ARL10: variants seen among roughly 807,000 people sequenced by gnomAD.
ARL10 encodes ADP-ribosylation factor-like protein 10.
A neutral mutation model predicts 26.1 loss-of-function variants in ARL10; 23 were observed. The ratio of observed to expected loss-of-function variants is 0.88; its 90% CI spans 0.63 to 1.25. ARL10 has a LOEUF of 1.25. Among genes scored for constraint, ARL10 ranks in the 50% most tolerant of loss-of-function variants. ARL10 has a pLI of 0.00. For missense variants in ARL10, 300 were observed against 323.6 expected, an observed-to-expected ratio of 0.93 and a Z score of 0.56; for synonymous variants, 138 against 149.1, an observed-to-expected ratio of 0.93 and a Z score of 0.54.
At chr5:176,393,247 C>G (rs1400451336), downstream of ARL10, among the ~76,000 whole-genome samples, 2 of 152,158 alleles carry the variant, frequency 1.3e-5, no homozygotes, top group African/African-American at 2.4e-5. The surrounding 1 kb of genome is among the most constrained non-coding windows in gnomAD (Gnocchi z 4.4). Context: ...GTCTTCCCAG[C>G]CTAGGCACCC....
chr5:176,365,851 GC>G, intron 1 of ARL10, 105 bp downstream of exon 1: 1 of 1,174,406 alleles, frequency 8.5e-7, no homozygotes, highest in Non-Finnish European at 1.1e-6. Flanking sequence ...GGTGCCGGGA[GC>G]TTGGGGGGTC....
chr5:176,369,463 C>A (rs1256817757), intron 3 of ARL10, among the ~76,000 whole-genome samples: 1 of 152,072 alleles, frequency 6.6e-6, no homozygotes, highest in Non-Finnish European at 1.5e-5. Context: ...GAACTCCTGA[C>A]CTCAAGTGAT....
chr5:176,395,486 AGAG>A (rs1756475684), intron 1 of ARL10, among the ~76,000 whole-genome samples: 1 of 152,244 alleles, frequency 6.6e-6, no homozygotes, highest in African/African-American at 2.4e-5. Context: ...GTGCCCTGTG[AGAG>A]GAGGCTTAGC....
rs1034316350 is a variant in ARL10, at chr5:176,365,695, G to C, written c.132G>C (p.Glu44Asp). The C allele has an allele frequency of 3.2e-6, 4 of 1,241,504 alleles. No individual in the cohort carries two copies. In the East Asian group the frequency reaches 1.3e-4, roughly 39 times the overall value. 76.9% of individuals were successfully genotyped at this position (1,241,504 alleles called of 1,614,324 possible). A position where few individuals can be genotyped will look rare whatever the true frequency, so the allele number is the denominator to read the frequency against. Reference protein sequence around the residue: ...RGRERRWDRGEAWWGAEAARL... With the variant: ...RGRERRWDRGDAWWGAEAARL... ...GAGAGCGGCGCTGGGACCGGGGAGAGGCCTGGTGGGGCGCGGAGGCTGCCC... is the reference window on the plus strand; with the variant it reads ...GAGAGCGGCGCTGGGACCGGGGAGACGCCTGGTGGGGCGCGGAGGCTGCCC... Residue 44 changes from glutamate (E) to aspartate (D), a missense_variant, in exon 1 of 4, where the codon GAG becomes GAC. Glu to Asp is a conservative substitution (Grantham distance 45, BLOSUM62 2). Coordinates refer to ENST00000310389, the MANE Select transcript of ARL10 (RefSeq NM_173664.6).
At chr5:176,392,485 A>G (rs956317443), downstream of ARL10, 2 of 361,196 alleles carry the variant, frequency 5.5e-6, no homozygotes, top group Non-Finnish European at 1.0e-5. The surrounding 1 kb of genome is among the most constrained non-coding windows in gnomAD (Gnocchi z 5.2). Flanking sequence ...ATGATAATAA[A>G]TAAGTGTAAA....
chr5:176,384,453 C>T (rs949483539), downstream of ARL10: 4 of 1,397,656 alleles, frequency 2.9e-6, no homozygotes, highest in African/African-American at 5.7e-5. Flanking sequence ...TTAGGCAAGC[C>T]ACTTGCTATC....
intron 1 of ARL10, chr5:176,386,948 G>A: frequency 6.4e-7 from 1 of 1,574,030 alleles, no homozygotes; most frequent in Non-Finnish European, 8.7e-7. Context: ...AAGGATCTTT[G>A]ATGAGGGAAA....
At chr5:176,366,305 G>C in intron 1 of ARL10, 75 bp from the exon 2 acceptor site, 1 of 1,507,288 alleles carries the variant, frequency 6.6e-7, no homozygotes, top group Non-Finnish European at 8.9e-7. Flanking sequence ...TGGGCCCTCT[G>C]GTGCCTTCGG....
At position 176,371,922 on chromosome 5, in the gene ARL10, C is replaced by T. The variant is rs903375929; in HGVS notation, c.*27C>T. 1 of 1,608,526 alleles carries T rather than the reference C, an allele frequency of 6.2e-7. No homozygotes were observed. Among genetic ancestry groups the T allele is most frequent in the African/African-American group, 1.3e-5 (1 of 74,764 alleles). ...CTGGAGCTCTCCTGCTTGCCACCTGCCTGTCAAGACCATAGTTGTACTGCT... is the reference window on the plus strand; with the variant it reads ...CTGGAGCTCTCCTGCTTGCCACCTGTCTGTCAAGACCATAGTTGTACTGCT... On this transcript the variant is annotated 3_prime_UTR_variant, in exon 4 of 4. Coordinates refer to ENST00000310389, the MANE Select transcript of ARL10 (RefSeq NM_173664.6).
In ARL10 at chr5:176,368,514, C is replaced by G. The variant is rs888424741; in HGVS notation, c.386-293C>G. On this transcript the variant is annotated intron_variant, in intron 2 of 3. Coordinates refer to ENST00000310389, the MANE Select transcript of ARL10 (RefSeq NM_173664.6). The surrounding 1 kb of genome is among the most constrained non-coding windows in gnomAD (Gnocchi z 4.1). ...ACTGCAACAACCCGTTAGGAAAGTT[C>G]AGTGAGGAGACTGGTGCTTAAAGCT... 6.6e-6 allele frequency among the ~76,000 whole-genome samples: 1 copy of G among 152,090 alleles called. No individual in the cohort carries two copies. Among genetic ancestry groups the G allele is most frequent in the Non-Finnish European group, 1.5e-5 (1 of 68,018 alleles).
chr5:176,386,255 G>A (rs1755837465), downstream of ARL10: 1 of 180,368 alleles, frequency 5.5e-6, no homozygotes, highest in African/African-American at 2.4e-5. Flanking sequence ...ATCCTGTGCA[G>A]TAATTCTTAT....
the ARL10 span, among the ~76,000 whole-genome samples, chr5:176,408,051 G>C: frequency 3.9e-5 from 6 of 152,142 alleles, no homozygotes; most frequent in East Asian, 1.2e-3. Context: ...TCTGAGGGGA[G>C]GTTTAGCCCC....
chr5:176,397,427 GCTCC>G (rs1303244563), intron 1 of ARL10, among the ~76,000 whole-genome samples: 1 of 101,116 alleles, frequency 9.9e-6, no homozygotes, highest in Non-Finnish European at 1.9e-5. Context: ...TGTCCCCACA[GCTCC>G]CTCATGTCCC....
At chr5:176,389,570 G>A (rs1207082078), downstream of ARL10, 1 of 1,482,936 alleles carries the variant, frequency 6.7e-7, no homozygotes, top group East Asian at 2.3e-5. Context: ...GCCCTACCGT[G>A]GGACTTACTC....
chr5:176,387,173 C>T (rs370603987), intron 1 of ARL10, among the ~76,000 whole-genome samples: 52 of 152,158 alleles, frequency 3.4e-4, no homozygotes, highest in African/African-American at 1.2e-3. Context: ...AACCTCCCCC[C>T]GGGTTCAAGT....
Position 176,398,105 on chromosome 5 carries a change from C to T in ARL10, c.134-3636C>T. Reference sequence around the variant, plus strand: ...CAGCACACCTGCCCCGCTGTCTCTGCTGCCCCTGCTGGGGACCCACTCATG... The same window carrying T: ...CAGCACACCTGCCCCGCTGTCTCTGTTGCCCCTGCTGGGGACCCACTCATG... On this transcript the variant is annotated intron_variant, in intron 1 of 1. Coordinates refer to the ARL10 transcript ENST00000514533. 7 of 1,501,588 alleles carry T rather than the reference C, an allele frequency of 4.7e-6. No homozygotes were observed. In the Admixed American group the frequency reaches 5.0e-5, roughly 11 times the overall value. 93.0% of individuals were successfully genotyped at this position (1,501,588 alleles called of 1,614,324 possible). A position where few individuals can be genotyped will look rare whatever the true frequency, so the allele number is the denominator to read the frequency against.
downstream of ARL10, among the ~76,000 whole-genome samples, chr5:176,403,081 GCT>G (rs954207980): frequency 7.0e-6 from 1 of 143,822 alleles, no homozygotes; most frequent in East Asian, 2.0e-4. Context: ...GCGGAGTCTC[GCT>G]CTGTCGCCCA....
the ARL10 span, among the ~76,000 whole-genome samples, chr5:176,412,013 A>G: frequency 2.5e-4 from 38 of 151,910 alleles, no homozygotes; most frequent in African/African-American, 8.5e-4. Flanking sequence ...CGTCTCTACT[A>G]AAAATACAAA....
chr5:176,371,835 CA>C lies in ARL10; in HGVS notation c.676del (p.Thr226ProfsTer79). On this transcript the variant is annotated frameshift_variant, in exon 4 of 4. Coordinates refer to ENST00000310389, the MANE Select transcript of ARL10 (RefSeq NM_173664.6). LOFTEE classifies it high-confidence loss of function. ...CAGCCAGCATTGCCCCTGCAGGACC[CA>C]CCTTTGAAGAGCCTGGCACCGTGCA... Reference protein sequence around the residue: ...LAASIAPAGPTFEEPGTVHIW... With the variant: ...LAASIAPAGPXFEEPGTVHIW... 6.2e-7 allele frequency: 1 copy of C among 1,614,190 alleles called. No homozygotes were observed. Among genetic ancestry groups the C allele is most frequent in the South Asian group, 1.1e-5 (1 of 91,078 alleles).
Sources: gnomAD v4.1 joint callset for allele counts (sites outside exome capture counted in the v4.1 genomes callset) on GRCh38, gnomAD v4.1.1 for gene constraint, Gnocchi (gnomAD v3.1) non-coding constraint, MANE v1.5 for transcripts, NCBI Gene and HGNC (gene_info 2026-07-23, HGNC 2026-07-21) for gene names.